The following MRPL46 variants were observed in gnomAD, a reference collection of about 807,000 sequenced individuals.
MRPL46 encodes the protein mitochondrial ribosomal protein L46.
Under a neutral mutation model 31.0 loss-of-function variants are expected in MRPL46, and 26 were observed. The observed-to-expected ratio is 0.84, with a 90% CI of 0.61 to 1.16. The LOEUF (loss-of-function observed/expected upper bound fraction) is 1.16, where lower values mean the gene tolerates loss of function less well. Ranked by LOEUF, MRPL46 falls within the 50% of genes most tolerant of loss-of-function variation. The pLI is 0.00. For missense variants in MRPL46, 395 were observed against 340.0 expected (o/e 1.16, Z -1.27); for synonymous variants, 159 against 141.3 (o/e 1.13, Z -0.89).
chr15:88,466,268 G>C (rs2055531419), intron 1 of MRPL46, among the ~76,000 whole-genome samples: 1 of 152,196 alleles, frequency 6.6e-6, no homozygotes. Flanking sequence ...CCTGTATTCA[G>C]AAAGTCTGAG....
chr15:88,462,427 AAAG>A (rs1227188853), intron 3 of MRPL46: 3 of 152,274 alleles, frequency 2.0e-5, no homozygotes, highest in Non-Finnish European at 4.4e-5. Flanking sequence ...GCAGTTCACA[AAAG>A]AAGAAGTACA....
rs60256632 is a variant in MRPL46, at chr15:88,464,524, T to TA, written c.589+178dup. On this transcript the variant is annotated intron_variant, in intron 3 of 3. Coordinates refer to ENST00000312475, the MANE Select transcript of MRPL46 (RefSeq NM_022163.4). ...TTCTCACCTGGTCTAAAAATAAAAA[T>TA]AAAAAAAAAATAAAAAAAATCCTTA... 7.9e-3 allele frequency: 4,643 copies of TA among 586,558 alleles called. 7 individuals are homozygous for TA. The highest frequency in any genetic ancestry group is 0.015 in the East Asian group (441 of 28,540). 36.3% of individuals were successfully genotyped at this position (586,558 alleles called of 1,614,324 possible).
intron 3 of MRPL46, chr15:88,460,505 C>T (rs956271680): frequency 2.6e-5 from 4 of 152,484 alleles, no homozygotes; most frequent in Non-Finnish European, 5.9e-5. Flanking sequence ...GGGTTAACAA[C>T]CCCAATTCAG....
Position 88,459,612 on chromosome 15 carries a change from A to G in MRPL46, c.*1T>C. ...GCACCGTCCACAGGCAGCTCGGCCC[A>G]TCAGAGGTCTGAAACAAACCTCCTA... On this transcript the variant is annotated 3_prime_UTR_variant, in exon 4 of 4. Transcript: ENST00000312475. 6.2e-7 allele frequency: 1 copy of G among 1,613,948 alleles called. No individual in the cohort carries two copies. The highest frequency in any genetic ancestry group is 8.5e-7 in the Non-Finnish European group (1 of 1,180,034).
intron 3 of MRPL46, chr15:88,464,437 G>A (rs2055503349): frequency 7.6e-6 from 3 of 395,404 alleles, no homozygotes; most frequent in Non-Finnish European, 1.4e-5. Flanking sequence ...AGCAGGCTGA[G>A]AAAATGGTAG....
chr15:88,467,231 G>T lies in MRPL46; in HGVS notation c.147C>A (p.Gly49=). 6.2e-7 allele frequency: 1 copy of T among 1,614,114 alleles called. No homozygotes were observed. Among genetic ancestry groups the T allele is most frequent in the Non-Finnish European group, 8.5e-7 (1 of 1,180,020 alleles). Residue 49 remains glycine (G), a synonymous_variant, in exon 1 of 4, where the codon GGC becomes GGA. Transcript: ENST00000312475. ...CAGGTGGCCGCTGCAGGCACAACGC[G>T]CCCAACAAGCGCCATGGGGATCCGT... is the stretch of plus-strand genomic sequence containing the variant. ...SSNGSPWRLL[G]ALCLQRPPVV... is the part of the protein sequence containing the mutation.
In MRPL46 at chr15:88,463,853, G is replaced by A. The variant is rs2055497999; in HGVS notation, c.589+850C>T. 2.6e-5 allele frequency: 4 copies of A among 152,228 alleles called. No individual in the cohort carries two copies. The highest frequency in any genetic ancestry group is 2.6e-4 in the Admixed American group (4 of 15,284). 9.4% of individuals were successfully genotyped at this position (152,228 alleles called of 1,614,324 possible). Reference sequence around the variant, plus strand: ...GGATCAGGGCAAATAAGATTTGCAGGCCATGCTTGACAGTTAGAATTTTTA... The same window carrying A: ...GGATCAGGGCAAATAAGATTTGCAGACCATGCTTGACAGTTAGAATTTTTA... On this transcript the variant is annotated intron_variant, in intron 3 of 3. Coordinates refer to ENST00000312475, the MANE Select transcript of MRPL46 (RefSeq NM_022163.4). The surrounding 1 kb of genome is among the most constrained non-coding windows in gnomAD (Gnocchi z 5.4).
chr15:88,466,073 C>G (rs555189393), intron 1 of MRPL46, among the ~76,000 whole-genome samples: 44 of 152,204 alleles, frequency 2.9e-4, no homozygotes, highest in Non-Finnish European at 5.1e-4. Flanking sequence ...ACAATCCAGT[C>G]ATGTCAGTCT....
chr15:88,459,830 G>A lies in MRPL46; in HGVS notation c.623C>T (p.Ala208Val), dbSNP rs2055461008. The change falls in exon 4 of 4, where the codon GCA becomes GTA. Residue 208 changes from alanine (A) to valine (V), a missense_variant. Ala to Val is a moderately conservative substitution (Grantham distance 64). Coordinates refer to ENST00000312475, the MANE Select transcript of MRPL46 (RefSeq NM_022163.4). ...NNMEAKFLGN[A>V]PCGHYTFKFP... ...CTTGAATGTGTAGTGCCCACAGGGT[G>A]CATTTCCTAGGAACTTGGCTTCCAT... The A allele has an allele frequency of 1.2e-6, 2 of 1,614,056 alleles. No individual in the cohort carries two copies. Among genetic ancestry groups the A allele is most frequent in the African/African-American group, 1.3e-5 (1 of 74,922 alleles).
chr15:88,465,637 T>C lies in MRPL46; in HGVS notation c.365A>G (p.Asp122Gly). 6.2e-7 allele frequency: 1 copy of C among 1,613,266 alleles called. No homozygotes were observed. The highest frequency in any genetic ancestry group is 8.5e-7 in the Non-Finnish European group (1 of 1,179,838). The change falls in exon 2 of 4, where the codon GAT (aspartate) becomes GGT (glycine). Residue 122 changes from aspartate (D) to glycine (G), a missense_variant. Coordinates refer to ENST00000312475, the MANE Select transcript of MRPL46 (RefSeq NM_022163.4). ...QDILLAQDLE[D>G]MWEQKFLQFK... is the part of the protein sequence containing the mutation. ...CTGTAGAAATTTCTGCTCCCACATA[T>C]CTTCCAAATCTTGCGCCAGCAATAT...
At chr15:88,462,889 A>C (rs2055490214) in intron 3 of MRPL46, 1 of 152,234 alleles carries the variant, frequency 6.6e-6, no homozygotes, top group Admixed American at 6.5e-5. Flanking sequence ...TATTAAACAT[A>C]AATATGTGTT....
Position 88,459,795 on chromosome 15 carries a change from C to T in MRPL46, c.658G>A (p.Ala220Thr), listed in dbSNP as rs1598282961. The T allele has an allele frequency of 6.2e-7, 1 of 1,614,214 alleles. No homozygotes were observed. Among genetic ancestry groups the T allele is most frequent in the Non-Finnish European group, 8.5e-7 (1 of 1,180,046 alleles). The change falls in exon 4 of 4, where the codon GCA (alanine) becomes ACA (threonine). Residue 220 changes from alanine (A) to threonine (T), a missense_variant. Physicochemically the swap from Ala to Thr is moderately conservative, Grantham distance 58. Coordinates refer to ENST00000312475, the MANE Select transcript of MRPL46 (RefSeq NM_022163.4). Reference protein sequence around the residue: ...CGHYTFKFPQAMRTESNLGAK... With the variant: ...CGHYTFKFPQTMRTESNLGAK... The stretch of plus-strand genomic sequence containing the variant: ...CCGAGGTTACTCTCTGTCCGCATTG[C>T]CTGGGGGAACTTGAATGTGTAGTGC...
chr15:88,464,791 G>C lies in MRPL46; in HGVS notation c.501C>G (p.Asp167Glu). ...LVLLVREKFG[D>E]QDVWILPQAE... Reference sequence around the variant, plus strand: ...CCTGGGGCAGTATCCAAACATCCTGGTCTCCAAACTTCTCTCTGACTAACA... The same window carrying C: ...CCTGGGGCAGTATCCAAACATCCTGCTCTCCAAACTTCTCTCTGACTAACA... Residue 167 changes from aspartate to glutamate, a missense_variant, in exon 3 of 4, where the codon GAC becomes GAG. Physicochemically the swap from Asp to Glu is conservative, Grantham distance 45. Coordinates refer to ENST00000312475, the MANE Select transcript of MRPL46 (RefSeq NM_022163.4). 1.9e-6 allele frequency: 3 copies of C among 1,614,104 alleles called. No homozygotes were observed. The highest frequency in any genetic ancestry group is 1.1e-5 in the South Asian group (1 of 91,072).
At chr15:88,466,710 T>C (rs2055539850) in intron 1 of MRPL46, among the ~76,000 whole-genome samples, 1 of 152,222 alleles carries the variant, frequency 6.6e-6, no homozygotes, top group African/African-American at 2.4e-5. Flanking sequence ...GCCACTACAC[T>C]GTTTTTGCCC....
At chr15:88,465,431 T>G in intron 2 of MRPL46, 156 bp downstream of exon 2, 1 of 765,776 alleles carries the variant, frequency 1.3e-6, no homozygotes, top group Non-Finnish European at 1.9e-6. Context: ...AAGACAGACT[T>G]TTTAAGTCGT....
chr15:88,462,405 C>T (rs1263798434), intron 3 of MRPL46: 1 of 152,098 alleles, frequency 6.6e-6, no homozygotes, highest in East Asian at 1.9e-4. Flanking sequence ...GATGAGCGAA[C>T]GATCTAAATA....
chr15:88,465,504 G>T, intron 2 of MRPL46, 83 bp downstream of exon 2: 1 of 1,354,588 alleles, frequency 7.4e-7, no homozygotes, highest in Non-Finnish European at 9.9e-7. Context: ...AAAACACAAA[G>T]CAGGGGCCAA....
Position 88,467,367 on chromosome 15 carries a change from G to T in MRPL46, c.11C>A (p.Pro4His). 1 of 1,576,412 alleles carries T rather than the reference G, an allele frequency of 6.3e-7. No homozygotes were observed. The highest frequency in any genetic ancestry group is 2.4e-5 in the East Asian group (1 of 42,142). Residue 4 changes from proline to histidine, a missense_variant, in exon 1 of 4, where the codon CCC (proline) becomes CAC (histidine). Coordinates refer to ENST00000312475, the MANE Select transcript of MRPL46 (RefSeq NM_022163.4). ...CACCCCTAACAGCGTCCGCCTTACG[G>T]GCGCCGCCATCTTTCGTTCTCCCAC... MAAPVRRTLLGVAG... is the reference protein window; with the variant it reads MAAHVRRTLLGVAG...
At position 88,464,683 on chromosome 15, in the gene MRPL46, G is replaced by A. The variant is rs2055506011; in HGVS notation, c.589+20C>T. 7.0e-7 allele frequency: 1 copy of A among 1,420,134 alleles called. No individual in the cohort carries two copies. The highest frequency in any genetic ancestry group is 9.4e-7 in the Non-Finnish European group (1 of 1,058,702). 88.0% of individuals were successfully genotyped at this position (1,420,134 alleles called of 1,614,324 possible). A position where few individuals can be genotyped will look rare whatever the true frequency, so the allele number is the denominator to read the frequency against. ...TCTGAAGTGAATTTTGTGGAATTTA[G>A]AGGAAGGCAGAAAACCCACCTGAGA... On this transcript the variant is annotated intron_variant, in intron 3 of 3. Coordinates refer to ENST00000312475, the MANE Select transcript of MRPL46 (RefSeq NM_022163.4).
Sources: allele counts gnomAD v4.1 joint callset (sites outside exome capture counted in the v4.1 genomes callset), GRCh38; gene constraint gnomAD v4.1.1; non-coding constraint Gnocchi (gnomAD v3.1); transcripts MANE v1.5; gene names NCBI Gene and HGNC (gene_info 2026-07-23, HGNC 2026-07-21).